Variants in CFAP299 observed in about 807,000 individuals in gnomAD.
The protein encoded by CFAP299 is cilia- and flagella-associated protein 299.
A neutral mutation model predicts 27.0 loss-of-function variants in CFAP299; 21 were observed. The observed-to-expected ratio is 0.78, with a 90% CI of 0.55 to 1.12. The LOEUF (loss-of-function observed/expected upper bound fraction) is 1.12. CFAP299 is among the 50% of genes most tolerant of loss of function. The probability of loss-of-function intolerance (pLI) is 0.00; values close to 1 mark genes in which losing one functional copy is unlikely to be tolerated. For synonymous variants in CFAP299, 104 were observed against 98.1 expected, an observed-to-expected ratio of 1.06 and a Z score of -0.36; for missense variants, 310 against 276.6, an observed-to-expected ratio of 1.12 and a Z score of -0.86.
chr4:80,441,735 G>A (rs1481461773), intron 2 of CFAP299, among the ~76,000 whole-genome samples: 1 of 152,144 alleles, frequency 6.6e-6, no homozygotes, highest in Non-Finnish European at 1.5e-5. Context: ...TGGGCTAAAT[G>A]CCCCAATTAA....
chr4:80,655,918 G>A (rs978690314), intron 3 of CFAP299, among the ~76,000 whole-genome samples: 1 of 152,104 alleles, frequency 6.6e-6, no homozygotes, highest in Non-Finnish European at 1.5e-5. Flanking sequence ...CTCTCTGTTT[G>A]AAGAGCTGTT....
At chr4:80,760,529 C>T (rs1250539546) in intron 3 of CFAP299, among the ~76,000 whole-genome samples, 1 of 152,164 alleles carries the variant, frequency 6.6e-6, no homozygotes, top group Non-Finnish European at 1.5e-5. Flanking sequence ...TCCTGAGAAA[C>T]ATAGTTTCAG....
chr4:80,375,767 G>A (rs1330764418), intron 2 of CFAP299, among the ~76,000 whole-genome samples: 2 of 152,202 alleles, frequency 1.3e-5, no homozygotes, highest in Non-Finnish European at 2.9e-5. Context: ...GCCACATTTG[G>A]TGGAAATGGT....
At chr4:80,546,623 C>T (rs1197537860) in intron 2 of CFAP299, among the ~76,000 whole-genome samples, 3 of 152,104 alleles carry the variant, frequency 2.0e-5, no homozygotes, top group East Asian at 3.9e-4. Flanking sequence ...GGGGCAAATC[C>T]ATCATGGCTC....
chr4:80,907,576 G>A (rs1420393746), intron 4 of CFAP299, among the ~76,000 whole-genome samples: 1 of 152,116 alleles, frequency 6.6e-6, no homozygotes, highest in Non-Finnish European at 1.5e-5. Flanking sequence ...ATGGCAGAAG[G>A]GGAAGCATGC....
At chr4:80,697,518 A>G (rs1158300961) in intron 3 of CFAP299, among the ~76,000 whole-genome samples, 3 of 152,196 alleles carry the variant, frequency 2.0e-5, no homozygotes, top group African/African-American at 7.2e-5. Flanking sequence ...CAATAGCAAA[A>G]GACAGAATTA....
chr4:80,833,219 T>C (rs559139479), intron 3 of CFAP299, among the ~76,000 whole-genome samples: 6 of 152,298 alleles, frequency 3.9e-5, no homozygotes, highest in Admixed American at 2.0e-4. Flanking sequence ...CCCATAAACT[T>C]GTTTTATGTA....
At chr4:80,478,218 A>G (rs1730376875) in intron 2 of CFAP299, among the ~76,000 whole-genome samples, 1 of 152,218 alleles carries the variant, frequency 6.6e-6, no homozygotes, top group African/African-American at 2.4e-5. Flanking sequence ...AGGCTAAAAT[A>G]CCACAGATGA....
intron 3 of CFAP299, among the ~76,000 whole-genome samples, chr4:80,613,329 G>A (rs764698121): frequency 1.1e-4 from 17 of 152,046 alleles, no homozygotes; most frequent in Admixed American, 2.6e-4. Context: ...CACATCTTTT[G>A]TGGAACCTCT....
intron 3 of CFAP299, among the ~76,000 whole-genome samples, chr4:80,773,480 T>A (rs1453149146): frequency 2.0e-5 from 3 of 152,168 alleles, no homozygotes; most frequent in Admixed American, 2.0e-4. Flanking sequence ...CAGCTTTTTT[T>A]ACTTAGTGAC....
At chr4:80,622,888 G>A (rs903595189) in intron 3 of CFAP299, among the ~76,000 whole-genome samples, 5 of 152,040 alleles carry the variant, frequency 3.3e-5, no homozygotes, top group African/African-American at 2.4e-5. Context: ...AATGACTCTC[G>A]CTCAATCAAT....
intron 2 of CFAP299, among the ~76,000 whole-genome samples, chr4:80,503,647 G>A (rs1027419654): frequency 2.0e-5 from 3 of 152,018 alleles, no homozygotes; most frequent in South Asian, 2.1e-4. Flanking sequence ...GGCCTAGAAC[G>A]GTGGCTAATA....
intron 3 of CFAP299, among the ~76,000 whole-genome samples, chr4:80,771,366 T>A (rs755840039): frequency 6.6e-6 from 1 of 152,182 alleles, no homozygotes; most frequent in Admixed American, 6.6e-5. Flanking sequence ...GAAATATAGA[T>A]ATTTGGTACA....
chr4:80,830,317 G>A (rs1039687980), intron 3 of CFAP299, among the ~76,000 whole-genome samples: 5 of 152,050 alleles, frequency 3.3e-5, no homozygotes, highest in Non-Finnish European at 7.4e-5. Context: ...ATAGGGAACA[G>A]GTCCCTTTAC....
intron 2 of CFAP299, among the ~76,000 whole-genome samples, chr4:80,520,380 C>G (rs1248181943): frequency 1.3e-5 from 2 of 152,170 alleles, no homozygotes; most frequent in Non-Finnish European, 2.9e-5. Context: ...AGCATGCTTT[C>G]TGTGATAACC....
At chr4:80,540,342 G>C (rs116741011) in intron 2 of CFAP299, among the ~76,000 whole-genome samples, 1 of 152,124 alleles carries the variant, frequency 6.6e-6, no homozygotes, top group Non-Finnish European at 1.5e-5. Context: ...TTAATGAAAC[G>C]TTCCTAGTTT....
chr4:80,935,593 T>A (rs1046035459), intron 4 of CFAP299, among the ~76,000 whole-genome samples: 2 of 152,014 alleles, frequency 1.3e-5, no homozygotes, highest in African/African-American at 4.8e-5. Flanking sequence ...TAAAATGTAA[T>A]GCTTAAAACT....
intron 3 of CFAP299, among the ~76,000 whole-genome samples, chr4:80,841,934 T>C (rs72881558): frequency 0.036 from 5,414 of 152,186 alleles, 202 homozygotes; most frequent in African/African-American, 0.099. Flanking sequence ...GATATCTTTG[T>C]AAGGCCAAGA....
At chr4:80,323,619 A>G in the CFAP299 span, among the ~76,000 whole-genome samples, 1 of 152,200 alleles carries the variant, frequency 6.6e-6, no homozygotes, top group African/African-American at 2.4e-5. Flanking sequence ...TGATTAACAT[A>G]TGGAGAAACA....
Sources: gnomAD v4.1 joint callset for allele counts (sites outside exome capture counted in the v4.1 genomes callset) on GRCh38, gnomAD v4.1.1 for gene constraint, MANE v1.5 for transcripts, NCBI Gene and HGNC (gene_info 2026-07-23, HGNC 2026-07-21) for gene names.